LARS2: variants seen among roughly 807,000 people sequenced by gnomAD.
LARS2 encodes leucine--tRNA ligase, mitochondrial.
Under a neutral mutation model 116.6 loss-of-function variants are expected in LARS2, and 81 were observed. The observed-to-expected ratio is 0.69, with a 90% CI of 0.58 to 0.84. The LOEUF (loss-of-function observed/expected upper bound fraction) is 0.84, where lower values mean the gene tolerates loss of function less well. Ranked by LOEUF, LARS2 falls within the 40% of genes least tolerant of loss-of-function variation. The pLI, the probability that LARS2 is intolerant of heterozygous loss-of-function variation, is 0.00. For missense variants in LARS2, 968 were observed against 1,114.5 expected, an observed-to-expected ratio of 0.87 and a Z score of 1.87; for synonymous variants, 396 against 407.2, an observed-to-expected ratio of 0.97 and a Z score of 0.33.
At chr3:45,539,979 T>C (rs1700766274) in intron 20 of LARS2, among the ~76,000 whole-genome samples, 1 of 152,214 alleles carries the variant, frequency 6.6e-6, no homozygotes, top group South Asian at 2.1e-4. Context: ...AAGTTTAAAA[T>C]GCTATCTGGG....
chr3:45,460,943 A>G (rs560504862), intron 8 of LARS2, among the ~76,000 whole-genome samples: 1 of 152,354 alleles, frequency 6.6e-6, no homozygotes, highest in East Asian at 1.9e-4. Flanking sequence ...AAGGGAGACA[A>G]TGTAATCCAG....
At chr3:45,483,413 C>G (rs527816380) in intron 10 of LARS2, among the ~76,000 whole-genome samples, 3 of 152,328 alleles carry the variant, frequency 2.0e-5, no homozygotes, top group Non-Finnish European at 4.4e-5. Context: ...CTTTGGGAGG[C>G]TGAGACAGGC....
At chr3:45,536,788 T>A (rs1192543642) in intron 20 of LARS2, among the ~76,000 whole-genome samples, 1 of 152,250 alleles carries the variant, frequency 6.6e-6, no homozygotes, top group Non-Finnish European at 1.5e-5. Flanking sequence ...ACTCAGTTGC[T>A]TCCCAGAGAA....
intron 17 of LARS2, among the ~76,000 whole-genome samples, chr3:45,517,141 G>T (rs1047350853): frequency 2.0e-5 from 3 of 152,206 alleles, no homozygotes; most frequent in African/African-American, 7.2e-5. Flanking sequence ...CAGAATCACT[G>T]GGGGGCTTGC....
intron 6 of LARS2, among the ~76,000 whole-genome samples, chr3:45,423,059 T>C (rs1256553354): frequency 1.3e-5 from 2 of 152,244 alleles, no homozygotes; most frequent in African/African-American, 4.8e-5. Flanking sequence ...GATTCTGTTT[T>C]CTTTTATCTA....
chr3:45,490,823 G>T (rs918226812), intron 12 of LARS2, among the ~76,000 whole-genome samples: 3 of 152,180 alleles, frequency 2.0e-5, no homozygotes, highest in African/African-American at 4.8e-5. Context: ...CATATAATTA[G>T]TTTGGCTCTC....
chr3:45,547,131 A>G (rs1296914583), intron 21 of LARS2, among the ~76,000 whole-genome samples: 1 of 152,192 alleles, frequency 6.6e-6, no homozygotes, highest in Non-Finnish European at 1.5e-5. Context: ...ATGCAGTCTC[A>G]GTGTCGGTCT....
At position 45,458,864 on chromosome 3, in the gene LARS2, T is replaced by A. The variant is rs781329860; in HGVS notation, c.728T>A (p.Ile243Asn). ...CAGAAGTACCTCAGACAATGGTTTA[T>A]TAAGACAACCGCTTATGCAAAGGTG... ...VEQKYLRQWF[I>N]KTTAYAKAMQ... The change falls in exon 8 of 22, where the codon ATT (isoleucine) becomes AAT (asparagine). Residue 243 changes from isoleucine to asparagine, a missense_variant. By Grantham distance (149) the Ile-to-Asn change is moderately radical. Coordinates refer to ENST00000645846, the MANE Select transcript of LARS2 (RefSeq NM_015340.4). 3 of 1,613,936 alleles carry A rather than the reference T, an allele frequency of 1.9e-6. No homozygotes were observed. Among genetic ancestry groups the A allele is most frequent in the Non-Finnish European group, 2.5e-6 (3 of 1,179,928 alleles).
chr3:45,441,058 C>T (rs1698900228), intron 6 of LARS2, among the ~76,000 whole-genome samples: 1 of 144,416 alleles, frequency 6.9e-6, no homozygotes, highest in African/African-American at 2.6e-5. Flanking sequence ...CGGAGTCTTG[C>T]TCTGTCGCCC....
intron 15 of LARS2, among the ~76,000 whole-genome samples, chr3:45,501,809 C>A (rs1014762127): frequency 1.3e-5 from 2 of 152,158 alleles, no homozygotes; most frequent in African/African-American, 4.8e-5. Flanking sequence ...AATGAGGGAT[C>A]CGATCACTCT....
intron 15 of LARS2, among the ~76,000 whole-genome samples, chr3:45,509,834 G>A (rs142688960): frequency 2.6e-5 from 4 of 151,992 alleles, no homozygotes; most frequent in East Asian, 3.9e-4. Flanking sequence ...AGCACTCATC[G>A]GGGCATTCCC....
intron 4 of LARS2, among the ~76,000 whole-genome samples, chr3:45,403,648 G>C (rs1194359962): frequency 3.9e-5 from 6 of 152,156 alleles, no homozygotes; most frequent in African/African-American, 1.4e-4. Flanking sequence ...TGGTTGAGGG[G>C]CTTGTAGGTG....
chr3:45,542,251 T>G lies in LARS2; in HGVS notation c.2532+295T>G, dbSNP rs1252152536. Among the ~76,000 whole-genome samples the G allele has an allele frequency of 2.0e-5, 3 of 152,200 alleles. No individual in the cohort carries two copies. The East Asian group carries it at 5.8e-4, about 29-fold the overall frequency. On this transcript the variant is annotated intron_variant, in intron 21 of 21. Coordinates refer to ENST00000645846, the MANE Select transcript of LARS2 (RefSeq NM_015340.4). The stretch of plus-strand genomic sequence containing the variant: ...GCCTTACAGGTTCTCGTTATCTTCC[T>G]TTCCAACTGTGGACCGTGTTTCAGT...
intron 6 of LARS2, among the ~76,000 whole-genome samples, chr3:45,441,388 GCTTTGCACACAATTGC>G (rs1426314562): frequency 4.6e-5 from 7 of 152,196 alleles, no homozygotes; most frequent in African/African-American, 1.7e-4. Flanking sequence ...CCAGCCGTAT[GCTTTGCACACAATTGC>G]CTTTTAACCT....
rs1343330246 is a variant in LARS2, at chr3:45,415,894, GAGAGA to G, written c.364-1587_364-1583del. The stretch of plus-strand genomic sequence containing the variant: ...ATATATATAGAGAGAGAGAGAGAGG[GAGAGA>G]GAGAGAGAGAGAGAGAGAGAGAGAG... On this transcript the variant is annotated intron_variant, in intron 4 of 21. Coordinates refer to ENST00000645846, the MANE Select transcript of LARS2 (RefSeq NM_015340.4). Among the ~76,000 whole-genome samples, 135 of 56,458 alleles carry G rather than the reference GAGAGA, an allele frequency of 2.4e-3. 7 individuals are homozygous for G. Among genetic ancestry groups the G allele is most frequent in the African/African-American group, 8.9e-3 (102 of 11,498 alleles). The allele number at this position is 56,458 out of a possible 152,430, so 37.0% of individuals were successfully genotyped here.
intron 6 of LARS2, among the ~76,000 whole-genome samples, chr3:45,441,226 T>C (rs1698904398): frequency 6.6e-6 from 1 of 152,116 alleles, no homozygotes; most frequent in East Asian, 1.9e-4. Flanking sequence ...GGTTTCACCA[T>C]GTTGGGCAGG....
rs1280471714 is a variant in LARS2, at chr3:45,526,209, TAAAG to T, written c.2404+2105_2404+2108del. On this transcript the variant is annotated intron_variant, in intron 20 of 21. Coordinates refer to ENST00000645846, the MANE Select transcript of LARS2 (RefSeq NM_015340.4). ...TATGTTAGAAACCTCTTTATACAAT[TAAAG>T]AAATCATACCATTGGATAATCAGAA... Among the ~76,000 whole-genome samples, 4 of 152,344 alleles carry T rather than the reference TAAAG, an allele frequency of 2.6e-5. No individual in the cohort carries two copies. In the South Asian group the frequency reaches 6.2e-4, roughly 24 times the overall value.
At chr3:45,468,999 A>G (rs985393082) in intron 8 of LARS2, among the ~76,000 whole-genome samples, 2 of 152,110 alleles carry the variant, frequency 1.3e-5, no homozygotes, top group South Asian at 2.1e-4. Flanking sequence ...GTGCACTTGT[A>G]TGTGTGGCTG....
rs762284935 is a variant in LARS2, at chr3:45,458,814, A to G, written c.678A>G (p.Ser226=). The G allele has an allele frequency of 7.4e-6, 12 of 1,614,188 alleles. No homozygotes were observed. Among genetic ancestry groups the G allele is most frequent in the Non-Finnish European group, 1.0e-5 (12 of 1,179,998 alleles). The change falls in exon 8 of 22, where the codon TCA becomes TCG. Residue 226 remains serine (S), a synonymous_variant. Coordinates refer to ENST00000645846, the MANE Select transcript of LARS2 (RefSeq NM_015340.4). ...AGCAGGTGGATGAACATGGCTGTTC[A>G]TGGCGTTCTGGAGCAAAGGTGGAAC... ...ANEQVDEHGC[S]WRSGAKVEQK...
Sources: allele counts gnomAD v4.1 joint callset (sites outside exome capture counted in the v4.1 genomes callset), GRCh38; gene constraint gnomAD v4.1.1; transcripts MANE v1.5; gene names NCBI Gene and HGNC (gene_info 2026-07-23, HGNC 2026-07-21).